SLC35D4: variants seen among roughly 807,000 people sequenced by gnomAD.
SLC35D4 encodes the protein solute carrier family 35 member D4.
the SLC35D4 span, among the ~76,000 whole-genome samples, chr18:23,324,058 G>A: frequency 1.3e-5 from 2 of 151,364 alleles, no homozygotes; most frequent in Non-Finnish European, 2.9e-5. Flanking sequence ...ACTCCACCCT[G>A]GGCGAGGAAG....
the SLC35D4 span, among the ~76,000 whole-genome samples, chr18:23,420,067 G>T: frequency 2.8e-4 from 43 of 152,250 alleles, no homozygotes; most frequent in Non-Finnish European, 5.3e-4. Context: ...ACTTTGGGAG[G>T]CCAAGGTGGA....
At chr18:23,429,001 T>G in the SLC35D4 span, among the ~76,000 whole-genome samples, 1 of 152,220 alleles carries the variant, frequency 6.6e-6, no homozygotes, top group Non-Finnish European at 1.5e-5. Flanking sequence ...ACATCCATGC[T>G]GCTGCTAAGG....
chr18:23,274,857 C>T, the SLC35D4 span, among the ~76,000 whole-genome samples: 8 of 152,230 alleles, frequency 5.3e-5, no homozygotes, highest in African/African-American at 1.7e-4. Flanking sequence ...GCAGTCCCAT[C>T]GCCTCAGGCC....
At chr18:23,397,295 T>C in the SLC35D4 span, among the ~76,000 whole-genome samples, 1 of 152,200 alleles carries the variant, frequency 6.6e-6, no homozygotes, top group Non-Finnish European at 1.5e-5. Flanking sequence ...AGATCAAGGA[T>C]GGGCAGTGGC....
the SLC35D4 span, among the ~76,000 whole-genome samples, chr18:23,367,357 G>A: frequency 2.0e-5 from 3 of 152,130 alleles, no homozygotes; most frequent in African/African-American, 4.8e-5. Flanking sequence ...CCTAACCAAC[G>A]CAATCAGCCA....
the SLC35D4 span, chr18:23,399,693 TAAGA>T: frequency 1.3e-6 from 2 of 1,594,966 alleles, no homozygotes; most frequent in Admixed American, 1.7e-5. Context: ...CACTTTTTGT[TAAGA>T]AAGACCTAGC....
the SLC35D4 span, among the ~76,000 whole-genome samples, chr18:23,348,762 A>T: frequency 6.6e-6 from 1 of 152,182 alleles, no homozygotes; most frequent in Non-Finnish European, 1.5e-5. Context: ...CATATAGCTC[A>T]TATAGCTGGG....
the SLC35D4 span, among the ~76,000 whole-genome samples, chr18:23,429,054 T>C: frequency 6.6e-6 from 1 of 152,234 alleles, no homozygotes; most frequent in African/African-American, 2.4e-5. Context: ...TATTCCATGG[T>C]ATATATATAC....
chr18:23,246,413 A>G, the SLC35D4 span, among the ~76,000 whole-genome samples: 1 of 151,758 alleles, frequency 6.6e-6, no homozygotes, highest in Non-Finnish European at 1.5e-5. Flanking sequence ...TTTTTTTGAG[A>G]CGGAGTCTTG....
the SLC35D4 span, among the ~76,000 whole-genome samples, chr18:23,270,872 C>G: frequency 1.3e-5 from 2 of 152,238 alleles, no homozygotes; most frequent in Admixed American, 1.3e-4. Flanking sequence ...TGCCTTATCT[C>G]AGATGAAACT....
the SLC35D4 span, among the ~76,000 whole-genome samples, chr18:23,256,588 C>T: frequency 3.9e-5 from 6 of 152,166 alleles, no homozygotes; most frequent in African/African-American, 7.2e-5. Flanking sequence ...TCAAGTGAGT[C>T]TCCTGCTTCA....
At chr18:23,387,599 A>G in the SLC35D4 span, among the ~76,000 whole-genome samples, 1 of 152,160 alleles carries the variant, frequency 6.6e-6, no homozygotes, top group African/African-American at 2.4e-5. Flanking sequence ...TTTATTCTTT[A>G]TCTTTACGGA....
chr18:23,266,253 G>A, the SLC35D4 span, among the ~76,000 whole-genome samples: 16 of 152,252 alleles, frequency 1.1e-4, no homozygotes, highest in South Asian at 3.3e-3. Flanking sequence ...CAAGCCACTG[G>A]CCAGCCCATG....
chr18:23,255,985 A>G, the SLC35D4 span, among the ~76,000 whole-genome samples: 2 of 152,222 alleles, frequency 1.3e-5, no homozygotes, highest in South Asian at 4.1e-4. Flanking sequence ...AGGTGCCTCT[A>G]TCACCTGAAC....
the SLC35D4 span, among the ~76,000 whole-genome samples, chr18:23,412,808 T>C: frequency 0.019 from 2,881 of 152,350 alleles, 42 homozygotes; most frequent in South Asian, 0.046. Context: ...TCTGTTGCTA[T>C]TTCTATGCTC....
the SLC35D4 span, among the ~76,000 whole-genome samples, chr18:23,283,637 C>T: frequency 6.6e-6 from 1 of 151,704 alleles, no homozygotes; most frequent in African/African-American, 2.4e-5. Flanking sequence ...TGGAGAAACC[C>T]CGTCTCTACT....
the SLC35D4 span, among the ~76,000 whole-genome samples, chr18:23,345,889 C>A: frequency 6.6e-6 from 1 of 152,012 alleles, no homozygotes; most frequent in Admixed American, 6.6e-5. Flanking sequence ...TTGTTAAGTT[C>A]CAAAGTATTT....
At chr18:23,266,805 G>A in the SLC35D4 span, among the ~76,000 whole-genome samples, 6 of 152,324 alleles carry the variant, frequency 3.9e-5, no homozygotes, top group South Asian at 2.1e-4. Context: ...GCCCTCAAAC[G>A]TGGCCCTTGG....
At chr18:23,336,265 G>T in the SLC35D4 span, among the ~76,000 whole-genome samples, 1 of 152,060 alleles carries the variant, frequency 6.6e-6, no homozygotes, top group East Asian at 1.9e-4. Context: ...TAACTTCTTG[G>T]CTGGCTGTTT....
Sources: allele counts gnomAD v4.1 joint callset (sites outside exome capture counted in the v4.1 genomes callset), GRCh38; gene constraint gnomAD v4.1.1; transcripts MANE v1.5; gene names NCBI Gene and HGNC (gene_info 2026-07-23, HGNC 2026-07-21).